The following BCL9L variants were observed in gnomAD, a reference collection of about 807,000 sequenced individuals.
The protein encoded by BCL9L is BCL9 like, also known as B-cell CLL/lymphoma 9-like protein.
In BCL9L, 19 loss-of-function variants were observed where a neutral mutation model predicts 99.4. The ratio of observed to expected loss-of-function variants is 0.19; its 90% CI spans 0.13 to 0.28. The LOEUF (loss-of-function observed/expected upper bound fraction) is 0.28, where lower values mean the gene tolerates loss of function less well. Ranked by LOEUF, BCL9L falls within the 10% of genes least tolerant of loss-of-function variation. The pLI is 1.00. For missense variants in BCL9L, 2,023 were observed against 2,101.6 expected (o/e 0.96, Z 0.73); for synonymous variants, 900 against 854.8 (o/e 1.05, Z -0.92).
chr11:118,903,410 C>T lies in BCL9L; in HGVS notation c.575G>A (p.Gly192Asp), dbSNP rs1367985170. The change falls in exon 6 of 10, where the codon GGT becomes GAT. Residue 192 changes from glycine to aspartate, a missense_variant. Physicochemically the swap from Gly to Asp is moderately conservative, Grantham distance 94 (BLOSUM62 -1). This residue lies in a region of BCL9L where 1,116 missense variants were observed against 1,194.6 expected (regional missense o/e 0.93). Transcript: ENST00000683865. This position sits in a 1 kb window ranked among gnomAD's most constrained non-coding sequence, Gnocchi z 5.6. ...ADPAMAAPQL[G>D]PGQTTQLPLS... ...GGGCAGTTGGGTGGTTTGGCCGGGACCCAGCTGTGGGGCCGCCATGGCTGG... is the reference window on the plus strand; with the variant it reads ...GGGCAGTTGGGTGGTTTGGCCGGGATCCAGCTGTGGGGCCGCCATGGCTGG... 3.1e-6 allele frequency: 5 copies of T among 1,612,514 alleles called. No homozygotes were observed. Among genetic ancestry groups the T allele is most frequent in the Non-Finnish European group, 4.2e-6 (5 of 1,179,490 alleles).
In BCL9L at chr11:118,925,584, C is replaced by CTTGCTTG. The variant is rs754823635; in HGVS notation, c.-478_-477insCAAGCAA. 3 of 95,192 alleles carry CTTGCTTG rather than the reference C, an allele frequency of 3.2e-5. No individual in the cohort carries two copies. Among genetic ancestry groups the CTTGCTTG allele is most frequent in the Non-Finnish European group, 4.3e-5 (2 of 47,014 alleles). The allele number at this position is 95,192 out of a possible 1,614,324, so 5.9% of individuals were successfully genotyped here. A position where few individuals can be genotyped will look rare whatever the true frequency, so the allele number is the denominator to read the frequency against. Reference sequence around the variant, plus strand: ...CGGCTCCTGCTCCTGCTCCTCCTTCCCTTGCTTGCTTGCTTGCTTCCTTCC... The same window carrying CTTGCTTG: ...CGGCTCCTGCTCCTGCTCCTCCTTCCTTGCTTGCTTGCTTGCTTGCTTGCTTCCTTCC... On this transcript the variant is annotated 5_prime_UTR_variant, in exon 1 of 10. Coordinates refer to ENST00000683865, the MANE Select transcript of BCL9L (RefSeq NM_001378213.1). This position sits in a 1 kb window ranked among gnomAD's most constrained non-coding sequence, Gnocchi z 6.4.
In BCL9L at chr11:118,897,707, G is replaced by A; in HGVS notation, c.*708C>T. 2.2e-6 allele frequency: 1 copy of A among 446,700 alleles called. No individual in the cohort carries two copies. The allele number at this position is 446,700 out of a possible 1,614,324, so 27.7% of individuals were successfully genotyped here. ...AGGGCTGCATGTCCCTGGGTCCAGGGGAATGGAGGGAGCAATAACTTGAAG... is the reference window on the plus strand; with the variant it reads ...AGGGCTGCATGTCCCTGGGTCCAGGAGAATGGAGGGAGCAATAACTTGAAG... On this transcript the variant is annotated 3_prime_UTR_variant, in exon 10 of 10. Transcript: ENST00000683865.
chr11:118,901,959 C>G lies in BCL9L; in HGVS notation c.1784G>C (p.Gly595Ala). The G allele has an allele frequency of 1.2e-6, 2 of 1,612,836 alleles. No individual in the cohort carries two copies. The highest frequency in any genetic ancestry group is 1.7e-6 in the Non-Finnish European group (2 of 1,179,608). ...DVQDPMQLRG[G>A]PPFPGPRFPG... ...GAAACGGGGCCCAGGAAAGGGAGGT[C>G]CGCCCCGGAGCTGCATGGGATCTTG... Residue 595 changes from glycine to alanine, a missense_variant, in exon 8 of 10, where the codon GGA (glycine) becomes GCA (alanine). Coordinates refer to ENST00000683865, the MANE Select transcript of BCL9L (RefSeq NM_001378213.1). The surrounding 1 kb of genome is among the most constrained non-coding windows in gnomAD (Gnocchi z 6.6).
rs545343898 is a variant in BCL9L, at chr11:118,902,732, G to C, written c.1011C>G (p.Asn337Lys). The C allele has an allele frequency of 6.3e-7, 1 of 1,597,284 alleles. No homozygotes were observed. Among genetic ancestry groups the C allele is most frequent in the African/African-American group, 1.3e-5 (1 of 75,008 alleles). Residue 337 changes from asparagine to lysine, a missense_variant, in exon 8 of 10, where the codon AAC (asparagine) becomes AAG (lysine). This residue lies in a region of BCL9L where 1,116 missense variants were observed against 1,194.6 expected (regional missense o/e 0.93). Coordinates refer to ENST00000683865, the MANE Select transcript of BCL9L (RefSeq NM_001378213.1). This position sits in a 1 kb window ranked among gnomAD's most constrained non-coding sequence, Gnocchi z 7.8. ...CACCTGTGCTGGCAGCTCCCACCGA[G>C]TTGGGGGCCAGGTCCTGACTGCTGT... is the stretch of plus-strand genomic sequence containing the variant. ...PEDSSQDLAP[N>K]SVGAASTGGG...
chr11:118,900,828 G>A lies in BCL9L; in HGVS notation c.2915C>T (p.Pro972Leu). 6.2e-7 allele frequency: 1 copy of A among 1,613,486 alleles called. No homozygotes were observed. Among genetic ancestry groups the A allele is most frequent in the African/African-American group, 1.3e-5 (1 of 75,040 alleles). ...GCCGAGGACCTGGGGCGACTTGAGA[G>A]GTCCTGGCGGGTTGGCAGAAGGCAA... is the stretch of plus-strand genomic sequence containing the variant. The part of the protein sequence containing the change: ...VPLPSANPPG[P>L]LKSPQVLGSS... The change falls in exon 8 of 10, where the codon CCT (proline) becomes CTT (leucine). Residue 972 changes from proline to leucine, a missense_variant. Around this residue, in one of 3 missense-constraint regions of BCL9L, gnomAD observed 902 missense variants for 888.2 expected, o/e 1.02. Coordinates refer to ENST00000683865, the MANE Select transcript of BCL9L (RefSeq NM_001378213.1). This position sits in a 1 kb window ranked among gnomAD's most constrained non-coding sequence, Gnocchi z 5.3.
chr11:118,921,728 C>T lies in BCL9L; in HGVS notation c.-130-2849G>A, dbSNP rs560925047. ...GGAAAAGTGAGAAGGCAGGGGAAGC[C>T]GCCCCTCCCCCTTGGCATGGAGAAT... On this transcript the variant is annotated intron_variant, in intron 1 of 9. Coordinates refer to ENST00000683865, the MANE Select transcript of BCL9L (RefSeq NM_001378213.1). This position sits in a 1 kb window ranked among gnomAD's most constrained non-coding sequence, Gnocchi z 5.4. Among the ~76,000 whole-genome samples, 28 of 152,120 alleles carry T rather than the reference C, an allele frequency of 1.8e-4. No individual in the cohort carries two copies. The highest frequency in any genetic ancestry group is 3.7e-4 in the Non-Finnish European group (25 of 67,996).
At chr11:118,899,713 C>T (rs918048504) in intron 9 of BCL9L, among the ~76,000 whole-genome samples, 1 of 152,164 alleles carries the variant, frequency 6.6e-6, no homozygotes, top group Non-Finnish European at 1.5e-5. Context: ...GCCAGACACA[C>T]CACCAGGTGT....
intron 2 of BCL9L, among the ~76,000 whole-genome samples, chr11:118,911,526 G>A (rs2134425914): frequency 6.6e-6 from 1 of 152,354 alleles, no homozygotes; most frequent in East Asian, 1.9e-4. Flanking sequence ...ATCACAACCA[G>A]GGAAGAGCAG....
rs1940062370 is a variant in BCL9L, at chr11:118,898,932, C to A, written c.3983G>T (p.Arg1328Met). ...GCTTGGCTTCTCAGAGGGGATGATCCTCGACAAGTCGAACTCGGGGATCCC... is the reference window on the plus strand; with the variant it reads ...GCTTGGCTTCTCAGAGGGGATGATCATCGACAAGTCGAACTCGGGGATCCC... ...PTGIPEFDLS[R>M]IIPSEKPSST... is the part of the protein sequence containing the mutation. Residue 1328 changes from arginine (R) to methionine (M), a missense_variant, in exon 10 of 10, where the codon AGG becomes ATG. This residue lies in a region of BCL9L where 902 missense variants were observed against 888.2 expected (regional missense o/e 1.02). Transcript: ENST00000683865. The A allele has an allele frequency of 6.2e-7, 1 of 1,612,468 alleles. No homozygotes were observed. The highest frequency in any genetic ancestry group is 8.5e-7 in the Non-Finnish European group (1 of 1,178,958).
chr11:118,910,261 A>G, intron 2 of BCL9L: 1 of 364,678 alleles, frequency 2.7e-6, no homozygotes, highest in Non-Finnish European at 5.2e-6. Context: ...GGCGGCAGAG[A>G]CAGAATTCAC....
Position 118,898,313 on chromosome 11 carries a change from A to ACCC in BCL9L, c.*99_*101dup. ...ACACAAGCCCCCTCCCACCCCCTCC[A>ACCC]CCCCACCCCGCGACCCAGGCCATCC... On this transcript the variant is annotated 3_prime_UTR_variant, in exon 10 of 10. Transcript: ENST00000683865. The ACCC allele has an allele frequency of 1.1e-5, 3 of 273,716 alleles. No individual in the cohort carries two copies. Among genetic ancestry groups the ACCC allele is most frequent in the African/African-American group, 6.2e-5 (1 of 16,234 alleles). The allele number at this position is 273,716 out of a possible 1,614,324, so 17.0% of individuals were successfully genotyped here.
In BCL9L at chr11:118,908,679, GA is replaced by G. The variant is rs767650986; in HGVS notation, c.27-25del. 2.5e-6 allele frequency: 4 copies of G among 1,589,314 alleles called. No homozygotes were observed. The East Asian group carries it at 9.0e-5, about 36-fold the overall frequency. On this transcript the variant is annotated intron_variant, in intron 3 of 9. Coordinates refer to ENST00000683865, the MANE Select transcript of BCL9L (RefSeq NM_001378213.1). Reference sequence around the variant, plus strand: ...ACCTGGGAGGAGGTGGGAGAAATGTGAAAAGTTAACCTTGCTAGGGGCTAGG... The same window carrying G: ...ACCTGGGAGGAGGTGGGAGAAATGTGAAAGTTAACCTTGCTAGGGGCTAGG...
intron 2 of BCL9L, among the ~76,000 whole-genome samples, chr11:118,912,278 C>T (rs1192730941): frequency 1.3e-5 from 2 of 152,200 alleles, no homozygotes; most frequent in Non-Finnish European, 2.9e-5. Flanking sequence ...GGCCAGGGGC[C>T]CTTGAGGTAC....
In BCL9L at chr11:118,901,250, G is replaced by A. The variant is rs1393779427; in HGVS notation, c.2493C>T (p.Gly831=). ...RAQNSSGVMG[G]PQKMLMPSQF... ...GTGAAGGCATCAGCATCTTCTGCGG[G>A]CCGCCCATCACGCCACTGCTGTTCT... Residue 831 remains glycine (G), a synonymous_variant, in exon 8 of 10, where the codon GGC becomes GGT. Transcript: ENST00000683865. This position sits in a 1 kb window ranked among gnomAD's most constrained non-coding sequence, Gnocchi z 6.6. The A allele has an allele frequency of 6.2e-7, 1 of 1,613,910 alleles. No individual in the cohort carries two copies.
rs890918813 is a variant in BCL9L at position 118,900,054 on chromosome 11, T to C, written c.3269A>G (p.Gln1090Arg). 3 of 1,613,862 alleles carry C rather than the reference T, an allele frequency of 1.9e-6. No homozygotes were observed. Among genetic ancestry groups the C allele is most frequent in the Non-Finnish European group, 1.7e-6 (2 of 1,179,922 alleles). Residue 1090 changes from glutamine to arginine, a missense_variant, in exon 9 of 10, where the codon CAG becomes CGG. Around this residue, in one of 3 missense-constraint regions of BCL9L, gnomAD observed 902 missense variants for 888.2 expected, o/e 1.02. Transcript: ENST00000683865. This position sits in a 1 kb window ranked among gnomAD's most constrained non-coding sequence, Gnocchi z 5.3. Reference protein sequence around the residue: ...SQNPLSLMMTQMSKYAMPSST... With the variant: ...SQNPLSLMMTRMSKYAMPSST... ...GCTGGGCATGGCGTACTTGGACATC[T>C]GGGTCATCATCAGTGACAGGGGGTT...
At chr11:118,919,374 G>A (rs932075234) in intron 1 of BCL9L, among the ~76,000 whole-genome samples, 8 of 151,850 alleles carry the variant, frequency 5.3e-5, no homozygotes, top group Non-Finnish European at 1.2e-4. Context: ...CTATGTCCCT[G>A]TGTGGTCTCC....
rs535349193 is a variant in BCL9L, at chr11:118,898,449, G to A, written c.4466C>T (p.Pro1489Leu). Residue 1489 changes from proline to leucine, a missense_variant, in exon 10 of 10, where the codon CCG (proline) becomes CTG (leucine). Transcript: ENST00000683865. Reference protein sequence around the residue: ...VSLDSQMGYLPAPGGMANLPF With the variant: ...VSLDSQMGYLLAPGGMANLPF ...CAGGTTGGCCATGCCGCCTGGTGCC[G>A]GGAGGTAGCCCATCTGGCTGTCCAG... 14 of 1,606,600 alleles carry A rather than the reference G, an allele frequency of 8.7e-6. No individual in the cohort carries two copies. Among genetic ancestry groups the A allele is most frequent in the Admixed American group, 5.0e-5 (3 of 59,770 alleles).
chr11:118,900,686 C>T lies in BCL9L; in HGVS notation c.3057G>A (p.Gly1019=). 1.2e-6 allele frequency: 2 copies of T among 1,613,650 alleles called. No homozygotes were observed. Among genetic ancestry groups the T allele is most frequent in the South Asian group, 1.1e-5 (1 of 91,058 alleles). The change falls in exon 8 of 10, where the codon GGG becomes GGA. Residue 1019 remains glycine, a synonymous_variant. Transcript: ENST00000683865. This position sits in a 1 kb window ranked among gnomAD's most constrained non-coding sequence, Gnocchi z 5.3. Reference sequence around the variant, plus strand: ...GAGGCGGCTGCTTGTTCTGGGAGACCCCCGGGCTGGGCATGGCCGTCTTAG... The same window carrying T: ...GAGGCGGCTGCTTGTTCTGGGAGACTCCCGGGCTGGGCATGGCCGTCTTAG... ...ASPKTAMPSP[G]VSQNKQPPLN...
chr11:118,899,800 C>T (rs941016722), intron 9 of BCL9L, 117 bp downstream of exon 9: 1 of 1,383,374 alleles, frequency 7.2e-7, no homozygotes, highest in Non-Finnish European at 9.7e-7. Context: ...CCGGAGCCTC[C>T]ACCCCCACAC....
Sources: gnomAD v4.1 joint callset for allele counts (sites outside exome capture counted in the v4.1 genomes callset) on GRCh38, gnomAD v4.1.1 for gene constraint, gnomAD v4.1.1 regional missense constraint, Gnocchi (gnomAD v3.1) non-coding constraint, MANE v1.5 for transcripts, NCBI Gene and HGNC (gene_info 2026-07-23, HGNC 2026-07-21) for gene names.